Variants in DGKB observed in about 807,000 individuals in gnomAD.
DGKB encodes 90 kDa diacylglycerol kinase.
Under a neutral mutation model 114.3 loss-of-function variants are expected in DGKB, and 67 were observed. The ratio of observed to expected loss-of-function variants is 0.59; its 90% CI spans 0.48 to 0.72. The LOEUF (loss-of-function observed/expected upper bound fraction) is 0.72, where lower values mean the gene tolerates loss of function less well. DGKB is among the 30% of genes least tolerant of loss of function. DGKB has a pLI of 0.00. For missense variants in DGKB, 907 were observed against 975.2 expected, an observed-to-expected ratio of 0.93 and a Z score of 0.93; for synonymous variants, 398 against 323.1, an observed-to-expected ratio of 1.23 and a Z score of -2.49.
intron 2 of DGKB, among the ~76,000 whole-genome samples, chr7:14,828,731 G>A: frequency 6.6e-6 from 1 of 152,134 alleles, no homozygotes; most frequent in East Asian, 1.9e-4. Flanking sequence ...TAAAGTTTCT[G>A]CATTAACAGA....
intron 21 of DGKB, among the ~76,000 whole-genome samples, chr7:14,464,835 TG>T (rs748621490): frequency 1.9e-4 from 29 of 152,326 alleles, no homozygotes; most frequent in Admixed American, 3.3e-4. Flanking sequence ...GAATGCTTTT[TG>T]ACCCGTTATT....
intron 20 of DGKB, among the ~76,000 whole-genome samples, chr7:14,502,109 T>G (rs940786221): frequency 2.6e-5 from 4 of 152,012 alleles, no homozygotes; most frequent in African/African-American, 9.7e-5. Context: ...TTTATCTTAA[T>G]GTCTTGGATG....
At chr7:14,749,761 A>T in intron 4 of DGKB, among the ~76,000 whole-genome samples, 1 of 152,192 alleles carries the variant, frequency 6.6e-6, no homozygotes, top group East Asian at 1.9e-4. Flanking sequence ...TTTCTCCTTG[A>T]AAAATAAAAC....
intron 1 of DGKB, among the ~76,000 whole-genome samples, chr7:14,940,779 ATTTATTT>A (rs1471972747): frequency 4.0e-5 from 6 of 151,846 alleles, no homozygotes; most frequent in Admixed American, 1.3e-4. Flanking sequence ...TCCTTTATTT[ATTTATTT>A]TTTATTTTTT....
intron 20 of DGKB, among the ~76,000 whole-genome samples, chr7:14,502,203 A>T (rs958372162): frequency 1.3e-5 from 2 of 151,966 alleles, no homozygotes; most frequent in Non-Finnish European, 2.9e-5. Flanking sequence ...CTTGTTTTGG[A>T]AAAAACCAGC....
intron 25 of DGKB, among the ~76,000 whole-genome samples, chr7:14,169,733 G>A (rs1025464029): frequency 3.9e-5 from 6 of 152,158 alleles, no homozygotes; most frequent in Admixed American, 2.0e-4. Context: ...AGCTTTGGCT[G>A]CAGTGGGAAG....
chr7:14,697,823 AGAGAGAGAGAAGGAAGGAAGG>A (rs1266944125), intron 8 of DGKB, among the ~76,000 whole-genome samples: 5 of 147,944 alleles, frequency 3.4e-5, no homozygotes, highest in East Asian at 2.0e-4. Context: ...AAAGGAAAGG[AGAGAGAGAGAAGGAAGGAAGG>A]GAGAGAGAGA....
At chr7:14,857,416 C>T (rs1057431821) in intron 1 of DGKB, among the ~76,000 whole-genome samples, 1 of 152,050 alleles carries the variant, frequency 6.6e-6, no homozygotes, top group Non-Finnish European at 1.5e-5. Flanking sequence ...ACAGACACTT[C>T]GATTTCAACC....
intron 17 of DGKB, among the ~76,000 whole-genome samples, chr7:14,590,531 C>T (rs1463665892): frequency 6.6e-6 from 1 of 152,060 alleles, no homozygotes; most frequent in Non-Finnish European, 1.5e-5. Context: ...AAACATAAAC[C>T]CCATGTGACT....
At chr7:14,245,167 T>TACAC (rs111929500) in intron 23 of DGKB, among the ~76,000 whole-genome samples, 71 of 149,320 alleles carry the variant, frequency 4.8e-4, no homozygotes, top group Admixed American at 1.1e-3. Context: ...TATGTACACA[T>TACAC]ACACACACAC....
chr7:14,481,658 A>T (rs1440840207), intron 20 of DGKB, among the ~76,000 whole-genome samples: 7 of 151,974 alleles, frequency 4.6e-5, no homozygotes, highest in African/African-American at 1.2e-4. Context: ...TCCAAAATCT[A>T]ATTTTAGAAT....
chr7:14,503,762 T>C (rs922060947), intron 20 of DGKB, among the ~76,000 whole-genome samples: 6 of 152,092 alleles, frequency 3.9e-5, no homozygotes, highest in African/African-American at 1.4e-4. Flanking sequence ...GGGATGTGAT[T>C]TAAGACAATT....
intron 5 of DGKB, among the ~76,000 whole-genome samples, chr7:14,731,837 C>T (rs1830970301): frequency 6.6e-6 from 1 of 152,132 alleles, no homozygotes; most frequent in Admixed American, 6.5e-5. Context: ...AGAGACCTGA[C>T]ATTTGCAATG....
intron 21 of DGKB, among the ~76,000 whole-genome samples, chr7:14,460,955 A>G (rs6461102): frequency 0.41 from 60,903 of 150,322 alleles, 12,591 homozygotes; most frequent in Admixed American, 0.49. Flanking sequence ...CTCACCCAAA[A>G]CTACACAACT....
intron 3 of DGKB, among the ~76,000 whole-genome samples, chr7:14,756,247 T>G (rs1834849195): frequency 6.6e-6 from 1 of 152,044 alleles, no homozygotes; most frequent in Admixed American, 6.6e-5. Flanking sequence ...ATATAAATAT[T>G]AATGACAATT....
At chr7:14,196,661 C>T (rs1484936470) in intron 23 of DGKB, among the ~76,000 whole-genome samples, 6 of 152,060 alleles carry the variant, frequency 3.9e-5, no homozygotes, top group African/African-American at 1.4e-4. Flanking sequence ...CACAAAGTAG[C>T]AGAGAAATCT....
chr7:14,846,492 T>C (rs1395009265), intron 1 of DGKB, among the ~76,000 whole-genome samples: 5 of 152,212 alleles, frequency 3.3e-5, no homozygotes, highest in South Asian at 2.1e-4. Flanking sequence ...CTATATCTCA[T>C]GCCTCAGAAG....
intron 23 of DGKB, among the ~76,000 whole-genome samples, chr7:14,195,836 A>T (rs561689647): frequency 6.6e-6 from 1 of 152,162 alleles, no homozygotes; most frequent in African/African-American, 2.4e-5. Context: ...CTGGTATCCA[A>T]TTTACCCTGG....
At chr7:14,393,079 C>G (rs966717420) in intron 21 of DGKB, among the ~76,000 whole-genome samples, 3 of 146,524 alleles carry the variant, frequency 2.0e-5, no homozygotes, top group South Asian at 4.4e-4. Context: ...AGCTCTGCCC[C>G]CTGGGGTTCA....
Sources: allele counts gnomAD v4.1 joint callset (sites outside exome capture counted in the v4.1 genomes callset), GRCh38; gene constraint gnomAD v4.1.1; transcripts MANE v1.5; gene names NCBI Gene and HGNC (gene_info 2026-07-23, HGNC 2026-07-21).